Variants in RBM14 observed in about 807,000 individuals in gnomAD.
The protein encoded by RBM14 is RNA binding motif protein 14, also known as RNA-binding protein 14.
A neutral mutation model predicts 52.8 loss-of-function variants in RBM14; 5 were observed. The ratio of observed to expected loss-of-function variants is 0.09; its 90% CI spans 0.05 to 0.20. The LOEUF (loss-of-function observed/expected upper bound fraction) is 0.20, where lower values mean the gene tolerates loss of function less well. Ranked by LOEUF, RBM14 falls within the 10% of genes least tolerant of loss-of-function variation. RBM14 has a pLI of 1.00. For synonymous variants in RBM14, 411 were observed against 401.8 expected (o/e 1.02, Z -0.28); for missense variants, 780 against 926.6 (o/e 0.84, Z 2.05).
At chr11:66,617,555 C>G in intron 1 of RBM14, 1 of 989,290 alleles carries the variant, frequency 1.0e-6, no homozygotes, top group Non-Finnish European at 1.2e-6. Flanking sequence ...CGGAAGGTAA[C>G]GGGGCCCTTG....
chr11:66,625,787 C>T lies in RBM14; in HGVS notation c.1802+109C>T, dbSNP rs545984614. The T allele has an allele frequency of 1.2e-6, 1 of 845,694 alleles. No homozygotes were observed. Among genetic ancestry groups the T allele is most frequent in the South Asian group, 1.8e-5 (1 of 56,528 alleles). The allele number at this position is 845,694 out of a possible 1,614,324, so 52.4% of individuals were successfully genotyped here. On this transcript the variant is annotated intron_variant, in intron 2 of 2. Transcript: ENST00000310137. This position sits in a 1 kb window ranked among gnomAD's most constrained non-coding sequence, Gnocchi z 4.2. ...TCGGCCCCTCCCTCGGTCTTCTCTT[C>T]TCTATTTTTGTGGGATGTCCAGAGG...
At chr11:66,621,847 C>T (rs1859127316) in intron 1 of RBM14, among the ~76,000 whole-genome samples, 2 of 152,138 alleles carry the variant, frequency 1.3e-5, no homozygotes, top group African/African-American at 2.4e-5. Context: ...GCACTTTTGT[C>T]TTTTCTCTTG....
Position 66,624,394 on chromosome 11 carries a change from C to T in RBM14, c.518C>T (p.Thr173Met), listed in dbSNP as rs746849036. Residue 173 changes from threonine (T) to methionine (M), a missense_variant, in exon 2 of 3, where the codon ACG (threonine) becomes ATG (methionine). Transcript: ENST00000310137. The surrounding 1 kb of genome is among the most constrained non-coding windows in gnomAD (Gnocchi z 4.7). ...DKTKKPGAGDTAFPGTGGFSA... is the reference protein window; with the variant it reads ...DKTKKPGAGDMAFPGTGGFSA... ...ACCAAGAAACCAGGGGCTGGGGATA[C>T]GGCCTTCCCTGGAACTGGTGGCTTC... 1.4e-5 allele frequency: 22 copies of T among 1,614,172 alleles called. No individual in the cohort carries two copies. The South Asian group carries it at 2.1e-4, about 15-fold the overall frequency.
intron 1 of RBM14, among the ~76,000 whole-genome samples, chr11:66,621,560 A>G (rs967040457): frequency 1.3e-5 from 2 of 151,968 alleles, no homozygotes; most frequent in African/African-American, 4.8e-5. Context: ...TATTTTTAGT[A>G]AAGACGGCGT....
chr11:66,625,640 C>T lies in RBM14; in HGVS notation c.1764C>T (p.Tyr588=). The T allele has an allele frequency of 6.2e-7, 1 of 1,612,702 alleles. No individual in the cohort carries two copies. The highest frequency in any genetic ancestry group is 8.5e-7 in the Non-Finnish European group (1 of 1,179,994). The change falls in exon 2 of 3, where the codon TAC becomes TAT. Residue 588 remains tyrosine (Y), a synonymous_variant. Transcript: ENST00000310137. The surrounding 1 kb of genome is among the most constrained non-coding windows in gnomAD (Gnocchi z 4.2). ...GCCTCTCCCCACCCCGGGCCAGCTA[C>T]GACGATCCCTACAAAAAGGCTGTCG... The part of the protein sequence containing the change: ...RTRLSPPRAS[Y]DDPYKKAVAM...
chr11:66,623,827 G>A, intron 1 of RBM14: 1 of 712,222 alleles, frequency 1.4e-6, no homozygotes. Flanking sequence ...TGGTGAGTTT[G>A]GGTTGAGAAC....
chr11:66,620,502 A>G (rs575396851), intron 1 of RBM14, among the ~76,000 whole-genome samples: 18 of 152,090 alleles, frequency 1.2e-4, no homozygotes, highest in South Asian at 6.2e-4. Context: ...GGGTTTCACT[A>G]TGTTGGCCAG....
chr11:66,624,024 GACT>G lies in RBM14; in HGVS notation c.338-189_338-187del. The G allele has an allele frequency of 1.0e-6, 1 of 976,944 alleles. No homozygotes were observed. Among genetic ancestry groups the G allele is most frequent in the Non-Finnish European group, 1.6e-6 (1 of 623,442 alleles). The allele number at this position is 976,944 out of a possible 1,614,324, so 60.5% of individuals were successfully genotyped here. Reference sequence around the variant, plus strand: ...TGGGAAGAAGGCTGTAGGCAAAGATGACTGCTTGGGACAGTCAGAAGCTTTGTT... The same window carrying G: ...TGGGAAGAAGGCTGTAGGCAAAGATGGCTTGGGACAGTCAGAAGCTTTGTT... On this transcript the variant is annotated intron_variant, in intron 1 of 2. Coordinates refer to ENST00000310137, the MANE Select transcript of RBM14 (RefSeq NM_006328.4). The surrounding 1 kb of genome is among the most constrained non-coding windows in gnomAD (Gnocchi z 4.7).
chr11:66,626,345 C>T (rs924171808), intron 2 of RBM14, 116 bp from the exon 3 acceptor site: 29 of 1,045,426 alleles, frequency 2.8e-5, no homozygotes, highest in Non-Finnish European at 4.0e-5. Flanking sequence ...GGAGACCAAT[C>T]TCTTGGAGAC....
chr11:66,626,002 A>C (rs1161009077), intron 2 of RBM14, among the ~76,000 whole-genome samples: 2 of 152,122 alleles, frequency 1.3e-5, no homozygotes, highest in African/African-American at 2.4e-5. Flanking sequence ...AAGGATCCTT[A>C]AGCCTATTAC....
At chr11:66,617,901 C>T (rs983615088) in intron 1 of RBM14, among the ~76,000 whole-genome samples, 1 of 152,104 alleles carries the variant, frequency 6.6e-6, no homozygotes, top group Non-Finnish European at 1.5e-5. Context: ...GGGGGGCATA[C>T]TCTGGCTGAG....
chr11:66,623,999 TG>T, intron 1 of RBM14: 2 of 829,158 alleles, frequency 2.4e-6, no homozygotes, highest in Non-Finnish European at 2.1e-6. Flanking sequence ...AAGGGGAGAA[TG>T]GGAAGAAGGC....
At chr11:66,621,888 A>G (rs991259462) in intron 1 of RBM14, among the ~76,000 whole-genome samples, 31 of 152,176 alleles carry the variant, frequency 2.0e-4, no homozygotes, top group African/African-American at 7.0e-4. Context: ...GGTAGGATAG[A>G]TGTGTCGGAG....
In RBM14 at chr11:66,616,892, C is replaced by T. The variant is rs770050082; in HGVS notation, c.172C>T (p.His58Tyr). Residue 58 changes from histidine to tyrosine, a missense_variant, in exon 1 of 3, where the codon CAC becomes TAC. Coordinates refer to ENST00000310137, the MANE Select transcript of RBM14 (RefSeq NM_006328.4). ...GCGCGCCATCGAAGCCCTGCACGGC[C>T]ACGAGCTGCGGCCGGGGCGCGCGCT... ...ALRAIEALHG[H>Y]ELRPGRALVV... 1.2e-6 allele frequency: 2 copies of T among 1,611,704 alleles called. No individual in the cohort carries two copies. Among genetic ancestry groups the T allele is most frequent in the African/African-American group, 1.3e-5 (1 of 74,892 alleles).
At position 66,616,649 on chromosome 11, in the gene RBM14, G is replaced by A. The variant is rs772678081; in HGVS notation, c.-72G>A. 208 of 1,491,060 alleles carry A rather than the reference G, an allele frequency of 1.4e-4. 1 individual carries two copies. The South Asian group carries it at 1.6e-3, about 11-fold the overall frequency. The allele number at this position is 1,491,060 out of a possible 1,614,324, so 92.4% of individuals were successfully genotyped here. On this transcript the variant is annotated 5_prime_UTR_variant, in exon 1 of 3. Coordinates refer to ENST00000310137, the MANE Select transcript of RBM14 (RefSeq NM_006328.4). ...CCAGCCATTCCTGAGGAGGACTGCC[G>A]GTCGTTCGGACGTCTTGCCTGTCGC...
At chr11:66,622,221 CTTTTCTTT>C (rs1859146073) in intron 1 of RBM14, among the ~76,000 whole-genome samples, 1 of 149,862 alleles carries the variant, frequency 6.7e-6, no homozygotes. Context: ...TGGCTAGTTT[CTTTTCTTT>C]TTTTCTTTTT....
chr11:66,624,792 G>T lies in RBM14; in HGVS notation c.916G>T (p.Gly306Cys). ...SAAASSLGPY[G>C]GAQPSASALS... is the part of the protein sequence containing the mutation. ...TGCAGCTTCTTCACTCGGCCCATAT[G>T]GTGGAGCCCAGCCCTCAGCCTCGGC... Residue 306 changes from glycine (G) to cysteine (C), a missense_variant, in exon 2 of 3, where the codon GGT becomes TGT. Gly to Cys is a radical substitution (Grantham distance 159). This residue lies in a region of RBM14 where 675 missense variants were observed against 697.3 expected (regional missense o/e 0.97). Transcript: ENST00000310137. The surrounding 1 kb of genome is among the most constrained non-coding windows in gnomAD (Gnocchi z 4.7). 1 of 1,614,082 alleles carries T rather than the reference G, an allele frequency of 6.2e-7. No individual in the cohort carries two copies. The highest frequency in any genetic ancestry group is 8.5e-7 in the Non-Finnish European group (1 of 1,179,980).
At position 66,616,654 on chromosome 11, in the gene RBM14, TTCGGACGTCTTGCCTG is replaced by T; in HGVS notation, c.-63_-48del. On this transcript the variant is annotated 5_prime_UTR_variant, in exon 1 of 3. Transcript: ENST00000310137. ...CATTCCTGAGGAGGACTGCCGGTCG[TTCGGACGTCTTGCCTG>T]TCGCTGGAGGAGAGGTCCGGGCTCT... is the stretch of plus-strand genomic sequence containing the variant. 2 of 1,500,210 alleles carry T rather than the reference TTCGGACGTCTTGCCTG, an allele frequency of 1.3e-6. No homozygotes were observed. The highest frequency in any genetic ancestry group is 1.8e-6 in the Non-Finnish European group (2 of 1,122,688). 92.9% of individuals were successfully genotyped at this position (1,500,210 alleles called of 1,614,324 possible).
In RBM14 at chr11:66,626,722, G is replaced by A. The variant is rs1370962888; in HGVS notation, c.*54G>A. 1.3e-6 allele frequency: 2 copies of A among 1,482,308 alleles called. No homozygotes were observed. The highest frequency in any genetic ancestry group is 2.5e-5 in the South Asian group (2 of 81,102). 91.8% of individuals were successfully genotyped at this position (1,482,308 alleles called of 1,614,324 possible). On this transcript the variant is annotated 3_prime_UTR_variant, in exon 3 of 3. Coordinates refer to ENST00000310137, the MANE Select transcript of RBM14 (RefSeq NM_006328.4). Reference sequence around the variant, plus strand: ...AGGGAGGGAGAAAAGAGGTGGGTAGGGTTACAGATCCAGGTTATAACTACT... The same window carrying A: ...AGGGAGGGAGAAAAGAGGTGGGTAGAGTTACAGATCCAGGTTATAACTACT...
Sources: gnomAD v4.1 joint callset for allele counts (sites outside exome capture counted in the v4.1 genomes callset) on GRCh38, gnomAD v4.1.1 for gene constraint, gnomAD v4.1.1 regional missense constraint, Gnocchi (gnomAD v3.1) non-coding constraint, MANE v1.5 for transcripts, NCBI Gene and HGNC (gene_info 2026-07-23, HGNC 2026-07-21) for gene names.